FBXO16: variants seen among roughly 807,000 people sequenced by gnomAD.
The protein encoded by FBXO16 is F-box protein 16.
FBXO16 carries 31 observed loss-of-function variants against 41.0 expected under a neutral mutation model. The ratio of observed to expected loss-of-function variants is 0.76; its 90% CI spans 0.57 to 1.02. The LOEUF (loss-of-function observed/expected upper bound fraction) is 1.02. FBXO16 is among the 50% of genes least tolerant of loss of function. FBXO16 has a pLI of 0.00. For missense variants in FBXO16, 361 were observed against 346.2 expected, an observed-to-expected ratio of 1.04 and a Z score of -0.34; for synonymous variants, 133 against 117.8, an observed-to-expected ratio of 1.13 and a Z score of -0.84.
intron 5 of FBXO16, among the ~76,000 whole-genome samples, chr8:28,454,753 G>GAAAAAAAAAA (rs1563363014): frequency 1.7e-5 from 1 of 58,368 alleles, no homozygotes; most frequent in African/African-American, 9.9e-5. Context: ...AAAAAAAAAG[G>GAAAAAAAAAA]ATCATTAATT....
intron 1 of FBXO16, among the ~76,000 whole-genome samples, chr8:28,486,979 T>C (rs998036767): frequency 6.6e-6 from 1 of 152,102 alleles, no homozygotes; most frequent in Admixed American, 6.6e-5. Flanking sequence ...TGCTTACCCC[T>C]GCTCTATGCT....
At position 28,483,370 on chromosome 8, in the gene FBXO16, T is replaced by C. The variant is rs1803546624; in HGVS notation, c.77A>G (p.Asn26Ser). ...QTKMSTWTPL[N>S]HQLLNDRVFE... ...TACCCGGTCATTCAATAGCTGATGGTTTAGGGGTGTCCAGGTGCTCATCTT... is the reference window on the plus strand; with the variant it reads ...TACCCGGTCATTCAATAGCTGATGGCTTAGGGGTGTCCAGGTGCTCATCTT... Residue 26 changes from asparagine (N) to serine (S), a missense_variant, in exon 2 of 9, where the codon AAC (asparagine) becomes AGC (serine). By Grantham distance (46) the Asn-to-Ser change is conservative (BLOSUM62 1). Coordinates refer to ENST00000380254, the MANE Select transcript of FBXO16 (RefSeq NM_172366.4). 6.2e-7 allele frequency: 1 copy of C among 1,614,110 alleles called. No homozygotes were observed. The highest frequency in any genetic ancestry group is 8.5e-7 in the Non-Finnish European group (1 of 1,179,996).
intron 7 of FBXO16, among the ~76,000 whole-genome samples, chr8:28,438,209 G>C (rs1802713128): frequency 6.6e-6 from 1 of 152,120 alleles, no homozygotes; most frequent in Non-Finnish European, 1.5e-5. Flanking sequence ...CCAGCTACTT[G>C]GGAGGCTGAG....
chr8:28,450,906 CATA>C (rs1343153247), intron 6 of FBXO16, among the ~76,000 whole-genome samples: 2 of 152,112 alleles, frequency 1.3e-5, no homozygotes, highest in African/African-American at 4.8e-5. Flanking sequence ...GCCTGGGCAA[CATA>C]ATGAGACCCC....
chr8:28,441,399 A>G (rs1353561335), intron 7 of FBXO16, among the ~76,000 whole-genome samples: 6 of 152,178 alleles, frequency 3.9e-5, no homozygotes, highest in Admixed American at 3.3e-4. Context: ...TCAAGAAGAC[A>G]GCTCCTTCCT....
chr8:28,441,931 T>TGC (rs2130100054), intron 7 of FBXO16, among the ~76,000 whole-genome samples: 1 of 126,754 alleles, frequency 7.9e-6, no homozygotes, highest in East Asian at 2.0e-4. Flanking sequence ...TGTGTGTGTG[T>TGC]GTGTGTGTGT....
chr8:28,479,089 A>G (rs1000853756), intron 2 of FBXO16, among the ~76,000 whole-genome samples: 1 of 152,176 alleles, frequency 6.6e-6, no homozygotes, highest in Non-Finnish European at 1.5e-5. Context: ...CCCCAGAAGC[A>G]GATGCCATTA....
At chr8:28,474,491 A>G (rs902445345) in intron 2 of FBXO16, among the ~76,000 whole-genome samples, 32 of 152,102 alleles carry the variant, frequency 2.1e-4, no homozygotes, top group African/African-American at 7.7e-4. Context: ...AACTAACGAA[A>G]AAACAGGAAC....
At chr8:28,470,906 G>A (rs1803324302) in intron 3 of FBXO16, among the ~76,000 whole-genome samples, 1 of 152,140 alleles carries the variant, frequency 6.6e-6, no homozygotes, top group Non-Finnish European at 1.5e-5. Flanking sequence ...CTCTGATTAT[G>A]GTGGTTTCCA....
chr8:28,465,780 T>C (rs937427374), intron 3 of FBXO16, among the ~76,000 whole-genome samples: 1 of 151,972 alleles, frequency 6.6e-6, no homozygotes, highest in African/African-American at 2.4e-5. Flanking sequence ...GTGAATCTCC[T>C]GTTTTGGGTT....
chr8:28,469,943 G>A (rs964622452), intron 3 of FBXO16, among the ~76,000 whole-genome samples: 1 of 149,136 alleles, frequency 6.7e-6, no homozygotes, highest in Admixed American at 6.8e-5. Flanking sequence ...GTGGGCTCAC[G>A]CCTGTAAACC....
rs372002674 is a variant in FBXO16, at chr8:28,428,681, G to A, written c.*46C>T. On this transcript the variant is annotated 3_prime_UTR_variant, in exon 9 of 9. Coordinates refer to ENST00000380254, the MANE Select transcript of FBXO16 (RefSeq NM_172366.4). ...GTCTGGGAGTCCCACTGACTCAGGG[G>A]GAGGCCAGGCGAGATGAGCTGGAAC... is the stretch of plus-strand genomic sequence containing the variant. The A allele has an allele frequency of 1.3e-5, 20 of 1,575,238 alleles. No homozygotes were observed. In the African/African-American group the frequency reaches 2.3e-4, roughly 18 times the overall value.
At chr8:28,449,255 CA>C (rs1280426459) in intron 6 of FBXO16, 1 of 136,938 alleles carries the variant, frequency 7.3e-6, no homozygotes, top group Non-Finnish European at 1.6e-5. Flanking sequence ...AATCTATGGA[CA>C]AAACAGAAGA....
intron 7 of FBXO16, among the ~76,000 whole-genome samples, chr8:28,438,760 G>A (rs1032850014): frequency 5.3e-5 from 8 of 152,128 alleles, no homozygotes; most frequent in Admixed American, 3.3e-4. Flanking sequence ...ATAGTGGTAC[G>A]ATGGGCATTG....
At chr8:28,474,369 A>C (rs1803389734) in intron 2 of FBXO16, among the ~76,000 whole-genome samples, 2 of 149,902 alleles carry the variant, frequency 1.3e-5, no homozygotes, top group Non-Finnish European at 1.5e-5. Flanking sequence ...AGAAAGAAGA[A>C]AAGAAAAAAT....
chr8:28,478,873 G>A (rs1343874662), intron 2 of FBXO16, among the ~76,000 whole-genome samples: 1 of 151,868 alleles, frequency 6.6e-6, no homozygotes, highest in African/African-American at 2.4e-5. Context: ...GGTGGGGCCT[G>A]GTGGGAGGTG....
intron 2 of FBXO16, among the ~76,000 whole-genome samples, chr8:28,481,787 T>G (rs1803517200): frequency 7.2e-6 from 1 of 138,228 alleles, no homozygotes; most frequent in Non-Finnish European, 1.5e-5. Flanking sequence ...TCCAGTCTGG[T>G]GACACAGTGA....
chr8:28,461,501 T>C (rs1803133548), intron 4 of FBXO16, among the ~76,000 whole-genome samples: 1 of 152,182 alleles, frequency 6.6e-6, no homozygotes, highest in Non-Finnish European at 1.5e-5. Context: ...TGCATTTCTT[T>C]TTCTGCAGAT....
At position 28,463,760 on chromosome 8, in the gene FBXO16, C is replaced by T. The variant is rs1214376866; in HGVS notation, c.194G>A (p.Cys65Tyr). The change falls in exon 4 of 9, where the codon TGC becomes TAC. Residue 65 changes from cysteine (C) to tyrosine (Y), a missense_variant. Cys to Tyr is a radical substitution (Grantham distance 194). Transcript: ENST00000380254. ...RRILTGLLER[C>Y]SLSQQKFCCR... ...GCAGAACTTTTGCTGGGACAGCGAGCAGCGCTCCAACAGGCCTGTGAGGAT... is the reference window on the plus strand; with the variant it reads ...GCAGAACTTTTGCTGGGACAGCGAGTAGCGCTCCAACAGGCCTGTGAGGAT... The T allele has an allele frequency of 6.2e-7, 1 of 1,614,094 alleles. No homozygotes were observed. Among genetic ancestry groups the T allele is most frequent in the African/African-American group, 1.3e-5 (1 of 75,044 alleles).
Sources: allele counts gnomAD v4.1 joint callset (sites outside exome capture counted in the v4.1 genomes callset), GRCh38; gene constraint gnomAD v4.1.1; transcripts MANE v1.5; gene names NCBI Gene and HGNC (gene_info 2026-07-23, HGNC 2026-07-21).